ZNF577: variants seen among roughly 807,000 people sequenced by gnomAD.
ZNF577 encodes zinc finger protein 577.
In ZNF577, 14 loss-of-function variants were observed where a neutral mutation model predicts 13.9. The observed-to-expected ratio is 1.00, with a 90% CI of 0.66 to 1.57. The LOEUF (loss-of-function observed/expected upper bound fraction) is 1.57, where lower values mean the gene tolerates loss of function less well. ZNF577 is among the 40% of genes most tolerant of loss of function. The pLI, the probability that ZNF577 is intolerant of heterozygous loss-of-function variation, is 0.00. For missense variants in ZNF577, 555 were observed against 579.2 expected (o/e 0.96, Z 0.43); for synonymous variants, 203 against 202.9 (o/e 1.00, Z 0.00).
chr19:51,814,555 G>A (rs1183821877), intron 9 of ZNF577, among the ~76,000 whole-genome samples: 2 of 152,126 alleles, frequency 1.3e-5, no homozygotes, highest in Non-Finnish European at 2.9e-5. Context: ...GTGCAGTGGT[G>A]TGATCTCGGC....
At chr19:51,832,773 G>A (rs73566147) in intron 9 of ZNF577, among the ~76,000 whole-genome samples, 10,568 of 152,048 alleles carry the variant, frequency 0.07, 1,079 homozygotes, top group African/African-American at 0.23. Context: ...GTCCAATTAC[G>A]CCAGTATCAT....
downstream of ZNF577, among the ~76,000 whole-genome samples, chr19:51,866,155 G>A (rs913798025): frequency 6.6e-6 from 1 of 151,506 alleles, no homozygotes; most frequent in African/African-American, 2.4e-5. Flanking sequence ...GGTAGCTTAA[G>A]AGCCTGTTTA....
chr19:51,812,250 A>G (rs954749344), intron 9 of ZNF577, among the ~76,000 whole-genome samples: 2 of 152,214 alleles, frequency 1.3e-5, no homozygotes, highest in African/African-American at 2.4e-5. Context: ...GGGTGAAATA[A>G]TGGCCTTCAA....
intron 9 of ZNF577, among the ~76,000 whole-genome samples, chr19:51,819,865 G>A (rs1025951563): frequency 1.3e-5 from 2 of 152,304 alleles, no homozygotes; most frequent in Non-Finnish European, 2.9e-5. Context: ...TAACAAGAAG[G>A]ATCTAGTAGA....
At position 51,824,955 on chromosome 19, in the gene ZNF577, T is replaced by G; in HGVS notation, c.*600-13281A>C. On this transcript the variant is annotated intron_variant and NMD_transcript_variant, in intron 9 of 10. Coordinates refer to the ZNF577 transcript ENST00000638827. The surrounding 1 kb of genome is among the most constrained non-coding windows in gnomAD (Gnocchi z 4.7). ...AAGTCTGTACCAAATCTGTAGGGGG[T>G]TTTTCCCACAACCAAGCAATAGACA... 1 of 681,416 alleles carries G rather than the reference T, an allele frequency of 1.5e-6. No individual in the cohort carries two copies. Among genetic ancestry groups the G allele is most frequent in the Non-Finnish European group, 2.5e-6 (1 of 400,086 alleles). 42.2% of individuals were successfully genotyped at this position (681,416 alleles called of 1,614,324 possible).
In ZNF577 at chr19:51,872,702, C is replaced by G; in HGVS notation, c.1288G>C (p.Glu430Gln). 1 of 1,614,196 alleles carries G rather than the reference C, an allele frequency of 6.2e-7. No homozygotes were observed. The highest frequency in any genetic ancestry group is 8.5e-7 in the Non-Finnish European group (1 of 1,180,032). The change falls in exon 6 of 6, where the codon GAG becomes CAG. Residue 430 changes from glutamate to glutamine, a missense_variant. Coordinates refer to ENST00000638348, the MANE Select transcript of ZNF577 (RefSeq NM_001370449.1). ...SGTPPLLNKS[E>Q]RLVGRNVVIV... ...ACTACATTTCTGCCCACTAGGCGCTCACTCTTGTTTAACAATGGCGGGGTT... is the reference window on the plus strand; with the variant it reads ...ACTACATTTCTGCCCACTAGGCGCTGACTCTTGTTTAACAATGGCGGGGTT...
intron 10 of ZNF577, among the ~76,000 whole-genome samples, chr19:51,809,942 G>A (rs2084085353): frequency 6.6e-6 from 1 of 152,110 alleles, no homozygotes; most frequent in Non-Finnish European, 1.5e-5. Flanking sequence ...TTCCCAGCAG[G>A]GGGGTGCCAT....
At chr19:51,831,252 G>T (rs1438498040) in intron 9 of ZNF577, among the ~76,000 whole-genome samples, 2 of 151,980 alleles carry the variant, frequency 1.3e-5, no homozygotes, top group Non-Finnish European at 2.9e-5. Flanking sequence ...AGTAGTTGGG[G>T]TTACAAGGTT....
At position 51,873,481 on chromosome 19, in the gene ZNF577, T is replaced by C. The variant is rs2084700915; in HGVS notation, c.509A>G (p.Lys170Arg). 1 of 1,614,092 alleles carries C rather than the reference T, an allele frequency of 6.2e-7. No individual in the cohort carries two copies. The highest frequency in any genetic ancestry group is 1.3e-5 in the African/African-American group (1 of 74,932). ...TCTCTGATGTTGAATAAGCTGTGCTTTCCTGGAGAAGGCTCTCCCGCACAC... is the reference window on the plus strand; with the variant it reads ...TCTCTGATGTTGAATAAGCTGTGCTCTCCTGGAGAAGGCTCTCCCGCACAC... Reference protein sequence around the residue: ...CSVCGRAFSRKAQLIQHQRTE... With the variant: ...CSVCGRAFSRRAQLIQHQRTE... Residue 170 changes from lysine (K) to arginine (R), a missense_variant, in exon 6 of 6, where the codon AAA (lysine) becomes AGA (arginine). Physicochemically the swap from Lys to Arg is conservative, Grantham distance 26. Transcript: ENST00000638348.
intron 5 of ZNF577, among the ~76,000 whole-genome samples, chr19:51,857,396 A>AAG (rs1568442182): frequency 8.1e-6 from 1 of 123,066 alleles, no homozygotes; most frequent in Non-Finnish European, 1.6e-5. Context: ...GAAAGAAAGA[A>AAG]AGAAAGAAAG....
rs45466892 is a variant in ZNF577, at chr19:51,872,446, T to C, written c.*86A>G. The C allele has an allele frequency of 0.017, 19,133 of 1,112,836 alleles. 227 individuals are homozygous for C. The highest frequency in any genetic ancestry group is 0.021 in the Non-Finnish European group (17,016 of 802,986). 68.9% of individuals were successfully genotyped at this position (1,112,836 alleles called of 1,614,324 possible). ...TCCTCCACAACCACTGCCTCCACAGTGTTTCAGCCCTAAATGAGCTCTCTG... is the reference window on the plus strand; with the variant it reads ...TCCTCCACAACCACTGCCTCCACAGCGTTTCAGCCCTAAATGAGCTCTCTG... On this transcript the variant is annotated 3_prime_UTR_variant, in exon 6 of 6. Transcript: ENST00000638348.
At chr19:51,880,135 C>T (rs922980107) in intron 3 of ZNF577, among the ~76,000 whole-genome samples, 188 bp downstream of exon 3, 8 of 152,170 alleles carry the variant, frequency 5.3e-5, no homozygotes, top group Admixed American at 1.3e-4. Context: ...ACGCTATTTT[C>T]GAAGAATTTT....
At chr19:51,822,438 T>C (rs940362863) in intron 9 of ZNF577, among the ~76,000 whole-genome samples, 1 of 152,048 alleles carries the variant, frequency 6.6e-6, no homozygotes, top group Non-Finnish European at 1.5e-5. Flanking sequence ...CAGTTATTTG[T>C]GGGGGGAGGG....
Position 51,824,050 on chromosome 19 carries a change from T to C in ZNF577, c.*600-12376A>G. 6.2e-7 allele frequency: 1 copy of C among 1,614,154 alleles called. No individual in the cohort carries two copies. The highest frequency in any genetic ancestry group is 8.5e-7 in the Non-Finnish European group (1 of 1,180,006). On this transcript the variant is annotated intron_variant and NMD_transcript_variant, in intron 9 of 10. Transcript: ENST00000638827. This position sits in a 1 kb window ranked among gnomAD's most constrained non-coding sequence, Gnocchi z 4.7. Reference sequence around the variant, plus strand: ...TTTGGCTCATTCCTATGTAAGTTAGTTCATGTTATGATAGACATCAACCTG... The same window carrying C: ...TTTGGCTCATTCCTATGTAAGTTAGCTCATGTTATGATAGACATCAACCTG...
chr19:51,841,621 T>C (rs547169257), intron 8 of ZNF577, among the ~76,000 whole-genome samples: 42 of 152,158 alleles, frequency 2.8e-4, no homozygotes, highest in African/African-American at 9.4e-4. Flanking sequence ...AAAAAATCTA[T>C]AGATAGAAAA....
intron 8 of ZNF577, chr19:51,840,864 A>G (rs2084316516): frequency 6.6e-6 from 1 of 152,230 alleles, no homozygotes; most frequent in East Asian, 1.9e-4. Flanking sequence ...TTGAAAAAAA[A>G]CTAATAAAAA....
chr19:51,824,436 A>G lies in ZNF577; in HGVS notation c.*600-12762T>C. 6.2e-7 allele frequency: 1 copy of G among 1,614,096 alleles called. No individual in the cohort carries two copies. Among genetic ancestry groups the G allele is most frequent in the Non-Finnish European group, 8.5e-7 (1 of 1,180,008 alleles). On this transcript the variant is annotated intron_variant and NMD_transcript_variant, in intron 9 of 10. Coordinates refer to the ZNF577 transcript ENST00000638827. The surrounding 1 kb of genome is among the most constrained non-coding windows in gnomAD (Gnocchi z 4.7). ...TGGGATCATCGCTGCCAAAATTCAC[A>G]GAAACCACATGATTAAATCCAGCCG...
At chr19:51,877,796 A>ATTAT in intron 4 of ZNF577, 2 of 165,348 alleles carry the variant, frequency 1.2e-5, no homozygotes, top group Non-Finnish European at 2.6e-5. Context: ...TCTCAAAGAG[A>ATTAT]TTATTTGTAC....
chr19:51,827,093 T>C (rs1047014860), intron 9 of ZNF577, among the ~76,000 whole-genome samples: 4 of 152,212 alleles, frequency 2.6e-5, no homozygotes, highest in Non-Finnish European at 5.9e-5. Flanking sequence ...TCCTACATTT[T>C]AGCAGAATTC....
Sources: gnomAD v4.1 joint callset for allele counts (sites outside exome capture counted in the v4.1 genomes callset) on GRCh38, gnomAD v4.1.1 for gene constraint, Gnocchi (gnomAD v3.1) non-coding constraint, MANE v1.5 for transcripts, NCBI Gene and HGNC (gene_info 2026-07-23, HGNC 2026-07-21) for gene names.